CDKL1: variants seen among roughly 807,000 people sequenced by gnomAD.
The protein encoded by CDKL1 is cyclin dependent kinase like 1, also known as cyclin-dependent kinase-like 1.
Under a neutral mutation model 42.0 loss-of-function variants are expected in CDKL1, and 41 were observed. The observed-to-expected ratio is 0.98, with a 90% CI of 0.76 to 1.27. The LOEUF is 1.27. CDKL1 is among the 50% of genes most tolerant of loss of function. The pLI is 0.00. For synonymous variants in CDKL1, 153 were observed against 158.6 expected (o/e 0.96, Z 0.26); for missense variants, 394 against 428.4 (o/e 0.92, Z 0.71).
chr14:50,330,260 G>T, intron 9 of CDKL1, 79 bp from the exon 10 acceptor site: 2 of 1,512,770 alleles, frequency 1.3e-6, no homozygotes, highest in South Asian at 1.3e-5. Flanking sequence ...TCACAAAAGA[G>T]GTAATTAAGC....
At chr14:50,392,889 C>T (rs1010793300) in intron 2 of CDKL1, among the ~76,000 whole-genome samples, 7 of 152,118 alleles carry the variant, frequency 4.6e-5, no homozygotes, top group South Asian at 2.1e-4. Context: ...AGTCAAAAAC[C>T]TTGAAATTGT....
At chr14:50,382,249 G>A (rs931734090) in intron 2 of CDKL1, among the ~76,000 whole-genome samples, 54 of 152,132 alleles carry the variant, frequency 3.5e-4, no homozygotes, top group African/African-American at 1.2e-3. Context: ...TCACGAGATC[G>A]AGACCATCCT....
intron 2 of CDKL1, chr14:50,363,756 T>C (rs977256137): frequency 2.0e-5 from 3 of 152,286 alleles, no homozygotes; most frequent in Admixed American, 2.0e-4. Context: ...TGCCTCCCAC[T>C]TGCCACGTCC....
At chr14:50,375,976 T>G (rs562738372) in intron 2 of CDKL1, among the ~76,000 whole-genome samples, 1 of 152,144 alleles carries the variant, frequency 6.6e-6, no homozygotes, top group Admixed American at 6.5e-5. Flanking sequence ...ATCAAAAACA[T>G]GTAAACTCTG....
upstream of CDKL1, chr14:50,396,976 GGCCCGGCCCAGCCCGGCCGCCC>G: frequency 2.5e-6 from 2 of 803,046 alleles, no homozygotes; most frequent in Non-Finnish European, 1.6e-6. Context: ...TCCCACCCCC[GGCCCGGCCCAGCCCGGCCGCCC>G]TCCCGGCTGC....
chr14:50,382,472 A>C (rs1346266444), intron 2 of CDKL1, among the ~76,000 whole-genome samples: 4 of 152,064 alleles, frequency 2.6e-5, no homozygotes, highest in African/African-American at 9.7e-5. Context: ...TTTTTTTTTC[A>C]AAAATTTAAA....
intron 2 of CDKL1, among the ~76,000 whole-genome samples, chr14:50,384,787 C>T (rs578005306): frequency 7.9e-5 from 12 of 151,326 alleles, no homozygotes; most frequent in East Asian, 5.8e-4. Flanking sequence ...TGGTTGATGC[C>T]GGCTATGGCG....
intron 6 of CDKL1, among the ~76,000 whole-genome samples, chr14:50,340,492 T>C (rs1418713518): frequency 1.3e-5 from 2 of 152,106 alleles, no homozygotes; most frequent in African/African-American, 4.8e-5. Context: ...TCCCCTGCCC[T>C]TCCCCTCCGC....
At position 50,359,038 on chromosome 14, in the gene CDKL1, A is replaced by G. The variant is rs750489357; in HGVS notation, c.280T>C (p.Tyr94His). The change falls in exon 3 of 10, where the codon TAC (tyrosine) becomes CAC (histidine). Residue 94 changes from tyrosine to histidine, a missense_variant. Tyr to His is a moderately conservative substitution (Grantham distance 83). Coordinates refer to ENST00000395834, the MANE Select transcript of CDKL1 (RefSeq NM_004196.7). ...DHTVLHELDR[Y>H]QRGVPEHLVK... is the part of the protein sequence containing the mutation. ...GGATGGATCACTCACCCTCTTTGGTATCTGTCCAACTCATGGAGAACTGTG... is the reference window on the plus strand; with the variant it reads ...GGATGGATCACTCACCCTCTTTGGTGTCTGTCCAACTCATGGAGAACTGTG... The G allele has an allele frequency of 6.2e-7, 1 of 1,611,972 alleles. No individual in the cohort carries two copies. Among genetic ancestry groups the G allele is most frequent in the Non-Finnish European group, 8.5e-7 (1 of 1,178,520 alleles).
chr14:50,340,106 A>G (rs948049598), intron 6 of CDKL1, among the ~76,000 whole-genome samples: 1 of 152,132 alleles, frequency 6.6e-6, no homozygotes, highest in Non-Finnish European at 1.5e-5. Context: ...GAGGGGTGAC[A>G]TGGGGAGGCT....
At chr14:50,355,938 G>GT (rs1298153269) in intron 3 of CDKL1, among the ~76,000 whole-genome samples, 1 of 152,202 alleles carries the variant, frequency 6.6e-6, no homozygotes, top group African/African-American at 2.4e-5. Context: ...GTAAGATCTT[G>GT]TATCTCATGC....
rs1435410744 is a variant in CDKL1 at position 50,354,244 on chromosome 14, C to G, written c.290+4784G>C. Among the ~76,000 whole-genome samples, 3 of 152,142 alleles carry G rather than the reference C, an allele frequency of 2.0e-5. No homozygotes were observed. In the East Asian group the frequency reaches 5.8e-4, roughly 29 times the overall value. On this transcript the variant is annotated intron_variant, in intron 3 of 9. Transcript: ENST00000395834. ...TGCTGGGATTGCAGGTGTGAGCAAC[C>G]ACCCCCAGCCCTTCATTTCAATGTC...
chr14:50,328,850 A>G lies in CDKL1; in HGVS notation c.*1224T>C, dbSNP rs1295799541. 8 of 151,798 alleles carry G rather than the reference A, an allele frequency of 5.3e-5. No homozygotes were observed. The highest frequency in any genetic ancestry group is 5.3e-4 in the Admixed American group (8 of 15,216). 9.4% of individuals were successfully genotyped at this position (151,798 alleles called of 1,614,324 possible). On this transcript the variant is annotated 3_prime_UTR_variant, in exon 10 of 10. Coordinates refer to ENST00000395834, the MANE Select transcript of CDKL1 (RefSeq NM_004196.7). ...ACCAAAAAATACAAAAAAATTAGCC[A>G]GTATAGTGGCACATGCCTGCAGTCC...
chr14:50,341,836 G>A (rs563630462), intron 5 of CDKL1, among the ~76,000 whole-genome samples: 2 of 151,362 alleles, frequency 1.3e-5, no homozygotes, highest in South Asian at 4.2e-4. Flanking sequence ...AAGGTTGAAA[G>A]CCACTATTCT....
At chr14:50,376,386 C>T in intron 2 of CDKL1, 1 of 471,122 alleles carries the variant, frequency 2.1e-6, no homozygotes, top group Middle Eastern at 3.2e-4. Context: ...AGCATCATTG[C>T]ATAAAAATAT....
intron 8 of CDKL1, chr14:50,333,275 A>G (rs2139363265): frequency 6.6e-6 from 1 of 152,266 alleles, no homozygotes; most frequent in South Asian, 2.1e-4. Flanking sequence ...ATAGGTCACA[A>G]TGACCTGATG....
Position 50,326,708 on chromosome 14 carries a change from A to G in CDKL1, c.*3366T>C, listed in dbSNP as rs2032718955. The G allele has an allele frequency of 1.0e-6, 1 of 985,452 alleles. No individual in the cohort carries two copies. The highest frequency in any genetic ancestry group is 1.2e-6 in the Non-Finnish European group (1 of 829,932). 61.0% of individuals were successfully genotyped at this position (985,452 alleles called of 1,614,324 possible). ...ATTGCAATATAATAAAGGAAACAGTAAAAACTAGTGGGCTATGCTTAGGTT... is the reference window on the plus strand; with the variant it reads ...ATTGCAATATAATAAAGGAAACAGTGAAAACTAGTGGGCTATGCTTAGGTT... On this transcript the variant is annotated 3_prime_UTR_variant, in exon 10 of 10. Transcript: ENST00000395834.
chr14:50,367,602 G>T (rs553684428), intron 2 of CDKL1, among the ~76,000 whole-genome samples: 37 of 152,316 alleles, frequency 2.4e-4, no homozygotes, highest in Non-Finnish European at 4.6e-4. Flanking sequence ...ACTGTTACAG[G>T]CTTACCCAAC....
At chr14:50,334,919 A>ATT in intron 7 of CDKL1, 1 of 152,552 alleles carries the variant, frequency 6.6e-6, no homozygotes, top group Non-Finnish European at 1.1e-5. Context: ...TTTTCTGAGC[A>ATT]GTTTTTTTTT....
Sources: allele counts gnomAD v4.1 joint callset (sites outside exome capture counted in the v4.1 genomes callset), GRCh38; gene constraint gnomAD v4.1.1; transcripts MANE v1.5; gene names NCBI Gene and HGNC (gene_info 2026-07-23, HGNC 2026-07-21).